Variants in SERINC5 observed in about 807,000 individuals in gnomAD.
SERINC5 encodes the protein chromosome 5 open reading frame 12.
A neutral mutation model predicts 63.1 loss-of-function variants in SERINC5; 41 were observed. That is an observed-to-expected ratio of 0.65 (90% confidence interval 0.51 to 0.84). The LOEUF is 0.84. Ranked by LOEUF, SERINC5 falls within the 40% of genes least tolerant of loss-of-function variation. The pLI, the probability that SERINC5 is intolerant of heterozygous loss-of-function variation, is 0.00. For missense variants in SERINC5, 523 were observed against 573.0 expected (o/e 0.91, Z 0.89); for synonymous variants, 222 against 215.2 (o/e 1.03, Z -0.28).
At position 80,255,947 on chromosome 5, in the gene SERINC5, G is replaced by A. The variant is rs1331883245; in HGVS notation, c.-25C>T. 1.3e-6 allele frequency: 2 copies of A among 1,529,080 alleles called. No homozygotes were observed. The highest frequency in any genetic ancestry group is 1.4e-5 in the African/African-American group (1 of 69,938). 94.7% of individuals were successfully genotyped at this position (1,529,080 alleles called of 1,614,324 possible). On this transcript the variant is annotated 5_prime_UTR_variant, in exon 1 of 12. Coordinates refer to ENST00000507668, the MANE Select transcript of SERINC5 (RefSeq NM_001174072.3). ...TCGCGGCGGCCAATGCCGAAGGCGC[G>A]CTCGCTGGCTCCCCGCGCCGCACGG...
intron 2 of SERINC5, among the ~76,000 whole-genome samples, chr5:80,195,371 A>C (rs554372635): frequency 6.6e-6 from 1 of 152,150 alleles, no homozygotes; most frequent in Non-Finnish European, 1.5e-5. Context: ...TTGTACCCCC[A>C]TAAATTTATA....
At chr5:80,133,008 T>A (rs725172) in intron 11 of SERINC5, among the ~76,000 whole-genome samples, 2 of 152,100 alleles carry the variant, frequency 1.3e-5, no homozygotes, top group Non-Finnish European at 2.9e-5. Context: ...TGGGGCCTGG[T>A]GGGAGGTGTC....
intron 4 of SERINC5, among the ~76,000 whole-genome samples, chr5:80,175,863 C>CAAAA (rs1491197344): frequency 4.9e-5 from 2 of 40,748 alleles, no homozygotes; most frequent in Non-Finnish European, 8.8e-5. Context: ...GACTTGGTCT[C>CAAAA]AAAAAAAAAA....
intron 6 of SERINC5, among the ~76,000 whole-genome samples, chr5:80,168,281 G>A (rs774947008): frequency 2.6e-5 from 4 of 151,594 alleles, no homozygotes; most frequent in African/African-American, 4.9e-5. Flanking sequence ...TGCAAGCCCC[G>A]CCTCCCGGGT....
At chr5:80,202,770 C>T in intron 2 of SERINC5, 116 bp downstream of exon 2, 1 of 993,982 alleles carries the variant, frequency 1.0e-6, no homozygotes, top group South Asian at 1.9e-5. Flanking sequence ...TTCAAGGAAA[C>T]CAGGTATACC....
intron 11 of SERINC5, among the ~76,000 whole-genome samples, chr5:80,130,554 A>G (rs975851155): frequency 6.6e-6 from 1 of 152,184 alleles, no homozygotes; most frequent in African/African-American, 2.4e-5. Flanking sequence ...ATTTGTTTTA[A>G]GTTCAGATAC....
rs72635622 is a variant in SERINC5 at position 80,182,157 on chromosome 5, A to T, written c.196-4093T>A. ...GAAGAATTGGCTCCCTGGGAACTCC[A>T]CATAGCTGGTGGCTTTTGTAACTGA... is the stretch of plus-strand genomic sequence containing the variant. On this transcript the variant is annotated intron_variant, in intron 2 of 11. Transcript: ENST00000507668. Among the ~76,000 whole-genome samples, 950 of 152,282 alleles carry T rather than the reference A, an allele frequency of 6.2e-3. 31 individuals are homozygous for T. The East Asian group carries it at 0.089, about 14-fold the overall frequency.
chr5:80,232,536 A>G (rs1751496162), intron 1 of SERINC5, among the ~76,000 whole-genome samples: 1 of 152,206 alleles, frequency 6.6e-6, no homozygotes, highest in Admixed American at 6.5e-5. Flanking sequence ...CTGTAATCCC[A>G]GCACTTTGGG....
intron 2 of SERINC5, among the ~76,000 whole-genome samples, chr5:80,189,316 A>G (rs919930107): frequency 6.6e-6 from 1 of 152,176 alleles, no homozygotes; most frequent in African/African-American, 2.4e-5. Flanking sequence ...TGCCCCGGCA[A>G]GGTCAACATG....
intron 1 of SERINC5, among the ~76,000 whole-genome samples, chr5:80,236,594 C>T (rs567810765): frequency 2.7e-5 from 4 of 149,812 alleles, no homozygotes; most frequent in Admixed American, 6.7e-5. Context: ...CATGGCAGCT[C>T]GGCTCACTGC....
chr5:80,173,455 G>C (rs983197915), intron 5 of SERINC5, among the ~76,000 whole-genome samples: 1 of 152,102 alleles, frequency 6.6e-6, no homozygotes, highest in Non-Finnish European at 1.5e-5. Flanking sequence ...AATTAGCCGG[G>C]CATGGTGGCA....
At chr5:80,114,181 A>G (rs1412100007) in intron 11 of SERINC5, among the ~76,000 whole-genome samples, 2 of 152,068 alleles carry the variant, frequency 1.3e-5, no homozygotes, top group Admixed American at 6.5e-5. Flanking sequence ...ATACTGCTAT[A>G]AAGACTACCT....
intron 5 of SERINC5, among the ~76,000 whole-genome samples, chr5:80,169,908 C>T (rs1484535311): frequency 6.6e-6 from 1 of 152,144 alleles, no homozygotes; most frequent in Non-Finnish European, 1.5e-5. Context: ...TCTGAGGGTG[C>T]ACCTAAAAGC....
intron 1 of SERINC5, among the ~76,000 whole-genome samples, chr5:80,248,813 CTG>C (rs1318599446): frequency 6.6e-6 from 1 of 152,142 alleles, no homozygotes; most frequent in Admixed American, 6.5e-5. Context: ...CAGACGTTAT[CTG>C]TGAAAGTAAT....
rs1434564337 is a variant in SERINC5 at position 80,139,849 on chromosome 5, T to C, written c.*3814A>G. 1 of 985,358 alleles carries C rather than the reference T, an allele frequency of 1.0e-6. No individual in the cohort carries two copies. The allele number at this position is 985,358 out of a possible 1,614,324, so 61.0% of individuals were successfully genotyped here. A position where few individuals can be genotyped will look rare whatever the true frequency, so the allele number is the denominator to read the frequency against. On this transcript the variant is annotated 3_prime_UTR_variant, in exon 12 of 12. Coordinates refer to ENST00000507668, the MANE Select transcript of SERINC5 (RefSeq NM_001174072.3). ...TTCAAGGTTTGTCCCTTCTTAGTTG[T>C]AGGTTGGGCCCTCTTTCGTTTCCAA...
intron 1 of SERINC5, among the ~76,000 whole-genome samples, chr5:80,214,514 A>C (rs973780017): frequency 6.6e-6 from 1 of 152,166 alleles, no homozygotes; most frequent in African/African-American, 2.4e-5. Flanking sequence ...TGATTGGAAG[A>C]AAACAGCCAG....
At chr5:80,197,342 AG>A (rs1203178237) in intron 2 of SERINC5, among the ~76,000 whole-genome samples, 2 of 29,696 alleles carry the variant, frequency 6.7e-5, no homozygotes, top group African/African-American at 2.1e-4. Context: ...AGAGAGAGAG[AG>A]AGAGAGAGAG....
intron 1 of SERINC5, among the ~76,000 whole-genome samples, chr5:80,222,390 G>A (rs768186043): frequency 6.6e-6 from 1 of 152,044 alleles, no homozygotes; most frequent in East Asian, 1.9e-4. Context: ...ACATCATCAC[G>A]GACAAGTTAG....
intron 11 of SERINC5, among the ~76,000 whole-genome samples, chr5:80,124,894 C>T (rs1401401032): frequency 6.6e-6 from 1 of 152,104 alleles, no homozygotes; most frequent in African/African-American, 2.4e-5. Context: ...TGTTTATGAA[C>T]ATGGCAATCA....
Sources: gnomAD v4.1 joint callset for allele counts (sites outside exome capture counted in the v4.1 genomes callset) on GRCh38, gnomAD v4.1.1 for gene constraint, MANE v1.5 for transcripts, NCBI Gene and HGNC (gene_info 2026-07-23, HGNC 2026-07-21) for gene names.